The following TDRD7 variants were observed in gnomAD, a reference collection of about 807,000 sequenced individuals.
TDRD7 encodes tudor domain-containing protein 7.
Under a neutral mutation model 109.8 loss-of-function variants are expected in TDRD7, and 47 were observed. The ratio of observed to expected loss-of-function variants is 0.43; its 90% CI spans 0.34 to 0.55. TDRD7 has a LOEUF of 0.55. Among genes scored for constraint, TDRD7 ranks in the 20% least tolerant of loss-of-function variants. The probability of loss-of-function intolerance (pLI) is 0.03; values close to 1 mark genes in which losing one functional copy is unlikely to be tolerated. For missense variants in TDRD7, 1,164 were observed against 1,319.2 expected, an observed-to-expected ratio of 0.88 and a Z score of 1.82; for synonymous variants, 424 against 457.3, an observed-to-expected ratio of 0.93 and a Z score of 0.93.
At chr9:97,469,621 T>C (rs1298930886) in intron 8 of TDRD7, among the ~76,000 whole-genome samples, 1 of 152,222 alleles carries the variant, frequency 6.6e-6, no homozygotes, top group Non-Finnish European at 1.5e-5. Context: ...TTTGTTGTTT[T>C]GTTTGCTTTG....
chr9:97,481,951 C>T (rs545396970), intron 14 of TDRD7, among the ~76,000 whole-genome samples: 37 of 152,222 alleles, frequency 2.4e-4, no homozygotes, highest in South Asian at 8.3e-4. Context: ...TCTCCCTCTC[C>T]GCAGACCTGT....
chr9:97,473,016 T>G (rs1477916679), intron 10 of TDRD7, among the ~76,000 whole-genome samples: 1 of 152,182 alleles, frequency 6.6e-6, no homozygotes, highest in Non-Finnish European at 1.5e-5. Flanking sequence ...TAAAAATGGG[T>G]AAAATTGAAT....
intron 14 of TDRD7, among the ~76,000 whole-genome samples, 176 bp from the exon 15 acceptor site, chr9:97,482,673 T>A (rs1564214588): frequency 6.6e-6 from 1 of 152,246 alleles, no homozygotes; most frequent in Non-Finnish European, 1.5e-5. Flanking sequence ...TAGACTATTT[T>A]GACTTCAGAG....
chr9:97,435,851 T>G (rs1828186261), intron 4 of TDRD7, among the ~76,000 whole-genome samples: 1 of 152,110 alleles, frequency 6.6e-6, no homozygotes, highest in Non-Finnish European at 1.5e-5. Flanking sequence ...TTATGAAATA[T>G]TAATGTAGTA....
At chr9:97,429,412 A>T (rs959021696) in intron 2 of TDRD7, among the ~76,000 whole-genome samples, 5 of 152,058 alleles carry the variant, frequency 3.3e-5, no homozygotes, top group Admixed American at 2.6e-4. Context: ...CCCCTCATAC[A>T]CTATGGTTTC....
chr9:97,452,562 T>C (rs1828517001), intron 6 of TDRD7, among the ~76,000 whole-genome samples: 1 of 152,172 alleles, frequency 6.6e-6, no homozygotes, highest in East Asian at 1.9e-4. Context: ...CTTTAAACAA[T>C]AAGAATAATA....
At chr9:97,428,102 G>A (rs543866653) in intron 1 of TDRD7, among the ~76,000 whole-genome samples, 2 of 151,948 alleles carry the variant, frequency 1.3e-5, no homozygotes, top group South Asian at 2.1e-4. Flanking sequence ...CTGTGCACTC[G>A]CACATCCTGT....
intron 8 of TDRD7, among the ~76,000 whole-genome samples, chr9:97,470,155 C>T (rs905947402): frequency 2.0e-5 from 3 of 152,020 alleles, no homozygotes; most frequent in South Asian, 2.1e-4. Context: ...GTCCAGGGAA[C>T]GGGTGGAAAT....
At chr9:97,460,805 T>C in intron 7 of TDRD7, 41 bp downstream of exon 7, 2 of 1,563,112 alleles carry the variant, frequency 1.3e-6, no homozygotes, top group Non-Finnish European at 1.8e-6. Context: ...CTGATATACT[T>C]TTGTCACTTG....
intron 6 of TDRD7, among the ~76,000 whole-genome samples, chr9:97,451,576 G>A (rs149038885): frequency 3.3e-5 from 5 of 152,316 alleles, no homozygotes; most frequent in Admixed American, 2.6e-4. Context: ...ATAGGCGTGC[G>A]CTGCTGCACC....
chr9:97,419,250 A>G (rs1184368983), intron 1 of TDRD7, among the ~76,000 whole-genome samples: 3 of 152,214 alleles, frequency 2.0e-5, no homozygotes, highest in Non-Finnish European at 4.4e-5. Flanking sequence ...TTTGAAGGGA[A>G]GAAGAGCACA....
At chr9:97,463,233 A>G (rs1220102241) in intron 7 of TDRD7, among the ~76,000 whole-genome samples, 1 of 151,586 alleles carries the variant, frequency 6.6e-6, no homozygotes, top group Admixed American at 6.5e-5. Flanking sequence ...CACAGCAGTG[A>G]AACCCTGTCT....
chr9:97,439,949 GAC>G (rs1828273005), intron 5 of TDRD7, among the ~76,000 whole-genome samples: 1 of 152,148 alleles, frequency 6.6e-6, no homozygotes, highest in East Asian at 1.9e-4. Context: ...CACCCAGGGA[GAC>G]AGTGTTTTCG....
At chr9:97,431,593 T>G (rs1173255951) in intron 3 of TDRD7, among the ~76,000 whole-genome samples, 1 of 152,110 alleles carries the variant, frequency 6.6e-6, no homozygotes, top group East Asian at 1.9e-4. Flanking sequence ...TACAAAGCAG[T>G]AGATGACTAA....
At chr9:97,427,641 A>G (rs534117250) in intron 1 of TDRD7, among the ~76,000 whole-genome samples, 1 of 152,250 alleles carries the variant, frequency 6.6e-6, no homozygotes, top group South Asian at 2.1e-4. Flanking sequence ...TCCCACCTCA[A>G]TGTGGGTCAT....
intron 7 of TDRD7, among the ~76,000 whole-genome samples, chr9:97,463,718 C>T (rs528764486): frequency 6.6e-6 from 1 of 152,298 alleles, no homozygotes; most frequent in East Asian, 1.9e-4. Context: ...ACGAAATCAT[C>T]TCTGAGGACT....
chr9:97,473,679 A>G lies in TDRD7; in HGVS notation c.2079+53A>G, dbSNP rs1048641317. The G allele has an allele frequency of 6.1e-5, 98 of 1,610,312 alleles. No individual in the cohort carries two copies. In the African/African-American group the frequency reaches 9.6e-4, roughly 16 times the overall value. On this transcript the variant is annotated intron_variant, in intron 11 of 16. Transcript: ENST00000355295. ...AATTAGCCCTAAAATTACAAGCAAG[A>G]GTAATTTACTAAATTGCATAAGTAT...
At position 97,431,070 on chromosome 9, in the gene TDRD7, A is replaced by G. The variant is rs770802424; in HGVS notation, c.345A>G (p.Leu115=). 3.1e-6 allele frequency: 5 copies of G among 1,613,844 alleles called. No homozygotes were observed. Among genetic ancestry groups the G allele is most frequent in the Admixed American group, 1.7e-5 (1 of 60,002 alleles). ...TGAAGAAAACCATGCCATTTTTTCT[A>G]GAAGGTAGGAGCTTTTTACATGCTA... ...MRVKKTMPFF[L]EGKPKATLRQ... Residue 115 remains leucine, a synonymous_variant, in exon 3 of 17, where the codon CTA becomes CTG. Coordinates refer to ENST00000355295, the MANE Select transcript of TDRD7 (RefSeq NM_014290.3).
At chr9:97,426,895 GT>G (rs1172158954) in intron 1 of TDRD7, among the ~76,000 whole-genome samples, 2 of 152,146 alleles carry the variant, frequency 1.3e-5, no homozygotes, top group Non-Finnish European at 2.9e-5. Flanking sequence ...CTTCTTTTGT[GT>G]TTTCTAAGCC....
Sources: gnomAD v4.1 joint callset for allele counts (sites outside exome capture counted in the v4.1 genomes callset) on GRCh38, gnomAD v4.1.1 for gene constraint, MANE v1.5 for transcripts, NCBI Gene and HGNC (gene_info 2026-07-23, HGNC 2026-07-21) for gene names.